Variants in PRKAR1B observed in about 807,000 individuals in gnomAD.
The protein encoded by PRKAR1B is protein kinase cAMP-dependent type I regulatory subunit beta.
Under a neutral mutation model 46.5 loss-of-function variants are expected in PRKAR1B, and 22 were observed. That is an observed-to-expected ratio of 0.47 (90% CI 0.34 to 0.68). PRKAR1B has a LOEUF of 0.68. Among genes scored for constraint, PRKAR1B ranks in the 30% least tolerant of loss-of-function variants. The pLI is 0.01. For missense variants in PRKAR1B, 445 were observed against 535.6 expected, an observed-to-expected ratio of 0.83 and a Z score of 1.67; for synonymous variants, 259 against 217.7, an observed-to-expected ratio of 1.19 and a Z score of -1.67.
chr7:718,943 C>G (rs1780979231), intron 1 of PRKAR1B, among the ~76,000 whole-genome samples: 1 of 139,744 alleles, frequency 7.2e-6, no homozygotes, highest in Non-Finnish European at 1.5e-5. Context: ...ATGATCATAG[C>G]TCTTGGCAGC....
At chr7:694,810 T>C (rs137950152) in intron 2 of PRKAR1B, among the ~76,000 whole-genome samples, 5,093 of 152,012 alleles carry the variant, frequency 0.034, 321 homozygotes, top group African/African-American at 0.12. Flanking sequence ...CCAAGGTGGG[T>C]GGATCACCTG....
intron 8 of PRKAR1B, among the ~76,000 whole-genome samples, chr7:582,974 C>T (rs1415387394): frequency 2.0e-5 from 3 of 152,178 alleles, no homozygotes; most frequent in Non-Finnish European, 4.4e-5. Flanking sequence ...GACACAAAGC[C>T]ACACAGGTGA....
intron 4 of PRKAR1B, among the ~76,000 whole-genome samples, chr7:619,000 T>C (rs1782976449): frequency 6.6e-6 from 1 of 152,214 alleles, no homozygotes; most frequent in Admixed American, 6.5e-5. Context: ...CTCTCCGACA[T>C]GTCTGCCTGG....
chr7:583,620 A>G (rs1780407788), intron 8 of PRKAR1B, among the ~76,000 whole-genome samples: 1 of 89,486 alleles, frequency 1.1e-5, no homozygotes, highest in African/African-American at 5.0e-5. Flanking sequence ...TCACACGTGC[A>G]CACTCAAACC....
At chr7:665,429 G>A (rs1407067389) in intron 4 of PRKAR1B, among the ~76,000 whole-genome samples, 1 of 152,098 alleles carries the variant, frequency 6.6e-6, no homozygotes, top group Non-Finnish European at 1.5e-5. Flanking sequence ...CATGCCCGAG[G>A]CCCATGGCCC....
intron 4 of PRKAR1B, among the ~76,000 whole-genome samples, chr7:646,522 C>A (rs560233200): frequency 6.6e-6 from 1 of 152,362 alleles, no homozygotes; most frequent in East Asian, 1.9e-4. Context: ...TGGCCCCGAG[C>A]TAATGACAGC....
chr7:589,115 G>A (rs539185028), intron 7 of PRKAR1B, among the ~76,000 whole-genome samples: 1 of 145,536 alleles, frequency 6.9e-6, no homozygotes, highest in South Asian at 2.3e-4. Context: ...GGGAAAGTCA[G>A]GACATTGCAA....
rs1778386602 is a variant in PRKAR1B, at chr7:677,287, G to A, written c.382C>T (p.Leu128=). Residue 128 remains leucine, a synonymous_variant, in exon 4 of 11, where the codon CTG becomes TTG. Transcript: ENST00000537384. ...IPKDYKTMTA[L]AKAISKNVLF... ...ACGTTCTTGGAGATGGCCTTGGCCA[G>A]CGCAGTCATGGTTTTGTAGTCCTTG... The A allele has an allele frequency of 6.2e-7, 1 of 1,614,154 alleles. No homozygotes were observed. Among genetic ancestry groups the A allele is most frequent in the African/African-American group, 1.3e-5 (1 of 74,956 alleles).
chr7:571,851 G>A (rs1482814053), intron 9 of PRKAR1B, among the ~76,000 whole-genome samples: 11 of 152,216 alleles, frequency 7.2e-5, no homozygotes, highest in Admixed American at 2.6e-4. Flanking sequence ...GTGAGGTGAC[G>A]GAACAGCTGG....
At chr7:553,271 C>T (rs1784363693) in intron 9 of PRKAR1B, among the ~76,000 whole-genome samples, 1 of 152,234 alleles carries the variant, frequency 6.6e-6, no homozygotes, top group Non-Finnish European at 1.5e-5. Context: ...CAACACCAAA[C>T]ACCCTCAGCA....
At position 677,377 on chromosome 7, in the gene PRKAR1B, G is replaced by A. The variant is rs542936248; in HGVS notation, c.349-57C>T. ...CCACCCTGGCCTGATGCTGTGACGC[G>A]GCCTGAAATCTCCCTACTCCACCCT... On this transcript the variant is annotated intron_variant, in intron 3 of 10. Transcript: ENST00000537384. 5.5e-5 allele frequency: 81 copies of A among 1,485,060 alleles called. No homozygotes were observed. In the Middle Eastern group the frequency reaches 1.2e-3, roughly 22 times the overall value. The allele number at this position is 1,485,060 out of a possible 1,614,324, so 92.0% of individuals were successfully genotyped here.
At chr7:723,510 C>A in intron 1 of PRKAR1B, among the ~76,000 whole-genome samples, 1 of 152,202 alleles carries the variant, frequency 6.6e-6, no homozygotes, top group South Asian at 2.1e-4. Flanking sequence ...CTTTCCTCGT[C>A]GCCTGCTATG....
At chr7:726,735 G>GGTGGCGGAGGCC (rs2128538006) in intron 1 of PRKAR1B, 3 of 1,243,860 alleles carry the variant, frequency 2.4e-6, no homozygotes, top group African/African-American at 1.5e-5. Flanking sequence ...CGGCGCTGGG[G>GGTGGCGGAGGCC]GTGGCGGAGG....
At chr7:595,252 G>T (rs571409866) in intron 7 of PRKAR1B, among the ~76,000 whole-genome samples, 1 of 152,140 alleles carries the variant, frequency 6.6e-6, no homozygotes, top group African/African-American at 2.4e-5. Context: ...TCCGGCACCC[G>T]GGCGTCCTGC....
intron 2 of PRKAR1B, among the ~76,000 whole-genome samples, chr7:681,323 T>TTAAAA (rs1196145424): frequency 8.7e-6 from 1 of 114,306 alleles, no homozygotes; most frequent in Non-Finnish European, 1.9e-5. Flanking sequence ...CCTGTCTCTA[T>TTAAAA]AAAAAAAAAA....
intron 4 of PRKAR1B, among the ~76,000 whole-genome samples, chr7:624,381 G>C (rs1783270604): frequency 6.6e-6 from 1 of 152,060 alleles, no homozygotes; most frequent in Admixed American, 6.5e-5. Flanking sequence ...TGCATTGAGT[G>C]AGATCGTGCC....
At chr7:559,971 G>T (rs1056274124) in intron 9 of PRKAR1B, among the ~76,000 whole-genome samples, 1 of 152,140 alleles carries the variant, frequency 6.6e-6, no homozygotes, top group Non-Finnish European at 1.5e-5. Flanking sequence ...AGGAGGCTGA[G>T]GCAGGAGGAT....
chr7:714,727 G>A lies in PRKAR1B; in HGVS notation c.-22-3200C>T, dbSNP rs1780813977. 6.6e-6 allele frequency among the ~76,000 whole-genome samples: 1 copy of A among 152,228 alleles called. No homozygotes were observed. The highest frequency in any genetic ancestry group is 2.4e-5 in the African/African-American group (1 of 41,462). Reference sequence around the variant, plus strand: ...CTTCAGCCTTACTGGCTTGAGCCAAGGACAGACGCTTCCTTAGTGTCCTGC... The same window carrying A: ...CTTCAGCCTTACTGGCTTGAGCCAAAGACAGACGCTTCCTTAGTGTCCTGC... On this transcript the variant is annotated intron_variant, in intron 1 of 10. Transcript: ENST00000537384. The surrounding 1 kb of genome is among the most constrained non-coding windows in gnomAD (Gnocchi z 4.3).
chr7:633,645 T>C (rs1281953594), intron 4 of PRKAR1B, among the ~76,000 whole-genome samples: 1 of 152,026 alleles, frequency 6.6e-6, no homozygotes, highest in East Asian at 1.9e-4. Flanking sequence ...ATGCCTGTGG[T>C]CCTGATTTTA....
Sources: gnomAD v4.1 joint callset for allele counts (sites outside exome capture counted in the v4.1 genomes callset) on GRCh38, gnomAD v4.1.1 for gene constraint, Gnocchi (gnomAD v3.1) non-coding constraint, MANE v1.5 for transcripts, NCBI Gene and HGNC (gene_info 2026-07-23, HGNC 2026-07-21) for gene names.